The following REPS2 variants were observed in gnomAD, a reference collection of about 807,000 sequenced individuals.
The protein encoded by REPS2 is RALBP1 associated Eps domain containing 2, also known as ralBP1-associated Eps domain-containing protein 2.
REPS2 carries 23 observed loss-of-function variants against 53.6 expected under a neutral mutation model. That is an observed-to-expected ratio of 0.43 (90% CI 0.31 to 0.61). The LOEUF (loss-of-function observed/expected upper bound fraction) is 0.61, where lower values mean the gene tolerates loss of function less well. Among genes scored for constraint, REPS2 ranks in the 20% least tolerant of loss-of-function variants. REPS2 has a pLI of 0.11. For synonymous variants in REPS2, 238 were observed against 218.6 expected (o/e 1.09, Z -0.78); for missense variants, 446 against 534.9 (o/e 0.83, Z 1.64).
chrX:17,066,495 AT>A (rs2062226514), intron 9 of REPS2, among the ~76,000 whole-genome samples: 1 of 112,398 alleles, frequency 8.9e-6, no homozygotes, highest in Admixed American at 9.5e-5. Context: ...AAGGGGCCTG[AT>A]TTATAATGCA....
chrX:17,170,037 C>A, the REPS2 span, among the ~76,000 whole-genome samples: 1 of 112,841 alleles, frequency 8.9e-6, no homozygotes, highest in East Asian at 2.8e-4. Flanking sequence ...GAGAACCATT[C>A]AACAGAGTGG....
chrX:17,067,717 T>A (rs768962597), intron 9 of REPS2, among the ~76,000 whole-genome samples: 18 of 111,981 alleles, frequency 1.6e-4, no homozygotes, highest in Non-Finnish European at 3.0e-4. Flanking sequence ...GCATGACAGA[T>A]CTTGGCAAAC....
intron 1 of REPS2, among the ~76,000 whole-genome samples, chrX:16,972,396 C>G (rs2060905531): frequency 8.9e-6 from 1 of 112,084 alleles, no homozygotes; most frequent in Admixed American, 9.5e-5. Flanking sequence ...AATGAAAAGT[C>G]TAAAAGAGCT....
At chrX:17,191,392 C>T in the REPS2 span, among the ~76,000 whole-genome samples, 1 of 112,116 alleles carries the variant, frequency 8.9e-6, no homozygotes, top group South Asian at 3.7e-4. Flanking sequence ...AATGAAATAC[C>T]ACTTCACACT....
intron 1 of REPS2, among the ~76,000 whole-genome samples, chrX:16,987,488 C>T (rs746823469): frequency 2.2e-4 from 25 of 112,365 alleles, no homozygotes; most frequent in Non-Finnish European, 3.8e-4. Flanking sequence ...CTTATCCCTC[C>T]TTTTAACTTA....
chrX:17,027,036 C>T (rs942085430), intron 4 of REPS2, among the ~76,000 whole-genome samples: 4 of 111,800 alleles, frequency 3.6e-5, no homozygotes, highest in Admixed American at 9.5e-5. Context: ...TCAAGCGATC[C>T]GCTCTCCTTG....
intron 1 of REPS2, among the ~76,000 whole-genome samples, chrX:17,005,688 C>T (rs2061355693): frequency 8.9e-6 from 1 of 111,943 alleles, no homozygotes; most frequent in Non-Finnish European, 1.9e-5. Context: ...ATTACAATGT[C>T]TTGAAAAATG....
intron 1 of REPS2, among the ~76,000 whole-genome samples, chrX:16,956,307 T>G (rs1220440042): frequency 8.7e-5 from 7 of 80,801 alleles, no homozygotes; most frequent in Admixed American, 2.9e-4. Flanking sequence ...TTTTTTTTTT[T>G]TTTTTTTTTT....
chrX:16,962,026 A>G (rs1233335323), intron 1 of REPS2, among the ~76,000 whole-genome samples: 2 of 111,598 alleles, frequency 1.8e-5, no homozygotes, highest in African/African-American at 6.5e-5. Context: ...ACCCTTTTAT[A>G]CTTTTGATGG....
At chrX:17,012,403 A>ACAG (rs1318726164) in intron 2 of REPS2, among the ~76,000 whole-genome samples, 1 of 110,665 alleles carries the variant, frequency 9.0e-6, no homozygotes, top group African/African-American at 3.3e-5. Context: ...AACAACAACA[A>ACAG]CAACAACAAC....
chrX:16,989,720 A>G (rs746802475), intron 1 of REPS2, among the ~76,000 whole-genome samples: 1 of 112,688 alleles, frequency 8.9e-6, no homozygotes, highest in South Asian at 3.6e-4. Flanking sequence ...ATGTAAATTC[A>G]GACCAAAGTG....
chrX:17,150,800 C>T lies in REPS2; in HGVS notation c.*3319C>T, dbSNP rs2063562225. 9 of 112,069 alleles carry T rather than the reference C, an allele frequency of 8.0e-5. No homozygotes were observed. In the South Asian group the frequency reaches 2.3e-3, roughly 28 times the overall value. The allele number at this position is 112,069 out of a possible 1,213,427, so 9.2% of individuals were successfully genotyped here. ...GAGGTAACTAGTGGCAGATTTGGGG[C>T]GCCAACCTGATTTTATGGATTTTGA... On this transcript the variant is annotated 3_prime_UTR_variant, in exon 18 of 18. Coordinates refer to ENST00000357277, the MANE Select transcript of REPS2 (RefSeq NM_004726.3).
At chrX:17,100,830 A>G (rs994123685) in intron 13 of REPS2, among the ~76,000 whole-genome samples, 2 of 111,139 alleles carry the variant, frequency 1.8e-5, no homozygotes, top group African/African-American at 6.5e-5. Context: ...TGTAATCCCA[A>G]CACTTTAGGA....
In REPS2 at chrX:17,016,410, T is replaced by A. The variant is rs751162217; in HGVS notation, c.398-5713T>A. Reference sequence around the variant, plus strand: ...TGAAATTTGAATTTTTAATTTTTTTTATTTTTTATTTTTGAGACAGAGTCT... The same window carrying A: ...TGAAATTTGAATTTTTAATTTTTTTAATTTTTTATTTTTGAGACAGAGTCT... On this transcript the variant is annotated intron_variant, in intron 2 of 17. Transcript: ENST00000357277. 2.5e-4 allele frequency among the ~76,000 whole-genome samples: 28 copies of A among 112,007 alleles called. No individual in the cohort carries two copies. The East Asian group carries it at 3.6e-3, about 15-fold the overall frequency.
At chrX:17,089,299 T>G (rs941622222) in intron 13 of REPS2, among the ~76,000 whole-genome samples, 10 of 111,507 alleles carry the variant, frequency 9.0e-5, no homozygotes, top group African/African-American at 1.3e-4. Context: ...CTTCAACAAT[T>G]AATCAACTGT....
intron 13 of REPS2, among the ~76,000 whole-genome samples, chrX:17,093,002 G>A (rs2062638750): frequency 9.7e-6 from 1 of 102,859 alleles, no homozygotes; most frequent in South Asian, 4.6e-4. Context: ...ACATAAGGCA[G>A]TGTGTTTAGG....
At chrX:17,001,127 T>C (rs1312077713) in intron 1 of REPS2, among the ~76,000 whole-genome samples, 1 of 112,671 alleles carries the variant, frequency 8.9e-6, no homozygotes, top group Admixed American at 9.4e-5. Context: ...TTTGCATTAG[T>C]ATTCTAGTTC....
chrX:17,153,726 T>A (rs919262758), downstream of REPS2, among the ~76,000 whole-genome samples: 21 of 111,173 alleles, frequency 1.9e-4, no homozygotes, highest in African/African-American at 6.5e-4. Flanking sequence ...GCACCTCTCC[T>A]ATTGGGTGAG....
chrX:17,099,274 C>T lies in REPS2; in HGVS notation c.1517-4444C>T, dbSNP rs537114008. 3.6e-4 allele frequency among the ~76,000 whole-genome samples: 40 copies of T among 111,334 alleles called. No homozygotes were observed. In the South Asian group the frequency reaches 0.015, roughly 43 times the overall value. The stretch of plus-strand genomic sequence containing the variant: ...TGCATTGCTTCACCATGTCCCCTAT[C>T]AGGCCCCAAATTTTAATCAAAATGA... On this transcript the variant is annotated intron_variant, in intron 13 of 17. Coordinates refer to ENST00000357277, the MANE Select transcript of REPS2 (RefSeq NM_004726.3).
Sources: allele counts gnomAD v4.1 joint callset (sites outside exome capture counted in the v4.1 genomes callset), GRCh38; gene constraint gnomAD v4.1.1; transcripts MANE v1.5; gene names NCBI Gene and HGNC (gene_info 2026-07-23, HGNC 2026-07-21).